The following CDIN1 variants were observed in gnomAD, a reference collection of about 807,000 sequenced individuals.
The protein encoded by CDIN1 is CDAN1 interacting nuclease 1.
CDIN1 carries 33 observed loss-of-function variants against 45.3 expected under a neutral mutation model. That is an observed-to-expected ratio of 0.73 (90% CI 0.55 to 0.97). The LOEUF (loss-of-function observed/expected upper bound fraction) is 0.97, where lower values mean the gene tolerates loss of function less well. Among genes scored for constraint, CDIN1 ranks in the 50% least tolerant of loss-of-function variants. CDIN1 has a pLI of 0.00. For synonymous variants in CDIN1, 118 were observed against 124.4 expected, an observed-to-expected ratio of 0.95 and a Z score of 0.34; for missense variants, 303 against 339.4, an observed-to-expected ratio of 0.89 and a Z score of 0.84.
intron 8 of CDIN1, among the ~76,000 whole-genome samples, chr15:36,701,305 T>G (rs1284281089): frequency 1.3e-5 from 2 of 152,152 alleles, no homozygotes; most frequent in Non-Finnish European, 2.9e-5. Context: ...TGCTAAGGGT[T>G]CACTCTTAGC....
intron 1 of CDIN1, chr15:36,591,914 GTGAA>G (rs2037593902): frequency 6.6e-6 from 1 of 152,182 alleles, no homozygotes; most frequent in African/African-American, 2.4e-5. Flanking sequence ...TCAACAACAA[GTGAA>G]TGAATGAAGC....
intron 5 of CDIN1, among the ~76,000 whole-genome samples, chr15:36,671,125 T>C (rs927969796): frequency 1.3e-5 from 2 of 152,182 alleles, no homozygotes; most frequent in Non-Finnish European, 2.9e-5. Flanking sequence ...GGAACATTAA[T>C]GTGTGGCCTT....
intron 5 of CDIN1, chr15:36,668,965 A>G (rs1264882899): frequency 6.6e-6 from 1 of 152,136 alleles, no homozygotes; most frequent in African/African-American, 2.4e-5. Context: ...TAATATTCCA[A>G]CAAATACTTA....
intron 5 of CDIN1, chr15:36,691,079 C>T: frequency 2.0e-6 from 1 of 496,378 alleles, no homozygotes; most frequent in East Asian, 5.6e-5. Flanking sequence ...TATATATTTT[C>T]CTTATTTAAG....
At chr15:36,658,431 G>C (rs1327533290) in intron 5 of CDIN1, 1 of 152,194 alleles carries the variant, frequency 6.6e-6, no homozygotes, top group Non-Finnish European at 1.5e-5. Flanking sequence ...TCAACTGCAT[G>C]ATTAAAACCG....
rs1566973709 is a variant in CDIN1 at position 36,788,095 on chromosome 15, TA to T, written c.717-20228del. On this transcript the variant is annotated intron_variant, in intron 10 of 10. Transcript: ENST00000566621. ...TTATACATATATATATATATATATA[TA>T]TATATATATATTTTTTTTTTTTTTT... 2.1e-3 allele frequency among the ~76,000 whole-genome samples: 72 copies of T among 34,274 alleles called. 1 individual carries two copies. The highest frequency in any genetic ancestry group is 6.7e-3 in the African/African-American group (63 of 9,390). 22.5% of individuals were successfully genotyped at this position (34,274 alleles called of 152,430 possible). A position where few individuals can be genotyped will look rare whatever the true frequency, so the allele number is the denominator to read the frequency against.
intron 1 of CDIN1, among the ~76,000 whole-genome samples, chr15:36,625,953 T>G (rs8039608): frequency 0.12 from 17,900 of 152,090 alleles, 1,051 homozygotes; most frequent in Middle Eastern, 0.17. Context: ...ATTTAAGCAT[T>G]TTTATCAGAT....
intron 10 of CDIN1, among the ~76,000 whole-genome samples, chr15:36,773,079 G>A (rs1456758136): frequency 1.3e-5 from 2 of 151,956 alleles, no homozygotes; most frequent in Non-Finnish European, 2.9e-5. Flanking sequence ...GGGGGTGGGG[G>A]GAGGTTCAGG....
At chr15:36,691,360 A>G in intron 5 of CDIN1, 1 of 292,802 alleles carries the variant, frequency 3.4e-6, no homozygotes, top group Non-Finnish European at 6.4e-6. Context: ...GCAAAAGGTA[A>G]ATATTTTCTG....
chr15:36,614,664 A>C (rs973940229), intron 1 of CDIN1, among the ~76,000 whole-genome samples: 1 of 152,174 alleles, frequency 6.6e-6, no homozygotes, highest in Non-Finnish European at 1.5e-5. Flanking sequence ...ACTGAGAGCC[A>C]AACAGAGCCC....
intron 10 of CDIN1, among the ~76,000 whole-genome samples, chr15:36,774,347 A>G (rs186563267): frequency 2.9e-4 from 44 of 152,084 alleles, no homozygotes; most frequent in African/African-American, 7.5e-4. Context: ...TTTTCCCCCA[A>G]TTGATAAGTT....
chr15:36,775,212 A>C (rs1486510212), intron 10 of CDIN1, among the ~76,000 whole-genome samples: 1 of 152,242 alleles, frequency 6.6e-6, no homozygotes, highest in African/African-American at 2.4e-5. Flanking sequence ...TAGTCCAAAG[A>C]AACGGGAAGA....
chr15:36,657,568 A>T (rs1009006399), intron 4 of CDIN1, among the ~76,000 whole-genome samples: 1 of 152,156 alleles, frequency 6.6e-6, no homozygotes, highest in Middle Eastern at 3.2e-3. Flanking sequence ...ACTGTTTTAG[A>T]CGAATGCTTT....
At chr15:36,665,061 T>G (rs765269818) in intron 5 of CDIN1, among the ~76,000 whole-genome samples, 1 of 152,216 alleles carries the variant, frequency 6.6e-6, no homozygotes, top group Non-Finnish European at 1.5e-5. Context: ...GATGAAATTC[T>G]AGGAGTAGGA....
intron 10 of CDIN1, among the ~76,000 whole-genome samples, chr15:36,804,378 C>T (rs74538942): frequency 1.1e-3 from 162 of 152,214 alleles, no homozygotes; most frequent in Admixed American, 2.8e-3. Flanking sequence ...TCTCTAGACT[C>T]GCACTGATTC....
At chr15:36,580,655 T>C (rs1022453851) in intron 1 of CDIN1, among the ~76,000 whole-genome samples, 1 of 152,222 alleles carries the variant, frequency 6.6e-6, no homozygotes, top group African/African-American at 2.4e-5. Flanking sequence ...CTTTGGGAAT[T>C]ATGTAGATTT....
chr15:36,648,229 C>T (rs2040422238), intron 3 of CDIN1, among the ~76,000 whole-genome samples: 1 of 151,918 alleles, frequency 6.6e-6, no homozygotes, highest in Non-Finnish European at 1.5e-5. Flanking sequence ...TTTTGTCAGC[C>T]CATTTTTATA....
intron 3 of CDIN1, among the ~76,000 whole-genome samples, chr15:36,650,376 T>G (rs988419186): frequency 1.3e-5 from 2 of 152,122 alleles, no homozygotes; most frequent in Admixed American, 1.3e-4. Flanking sequence ...GGAAATTTCT[T>G]CAATAATTCA....
At chr15:36,665,225 A>C (rs934759530) in intron 5 of CDIN1, among the ~76,000 whole-genome samples, 1 of 152,220 alleles carries the variant, frequency 6.6e-6, no homozygotes, top group Non-Finnish European at 1.5e-5. Context: ...ATAAGAGTAC[A>C]TGCATTGTGT....
Sources: allele counts gnomAD v4.1 joint callset (sites outside exome capture counted in the v4.1 genomes callset), GRCh38; gene constraint gnomAD v4.1.1; transcripts MANE v1.5; gene names NCBI Gene and HGNC (gene_info 2026-07-23, HGNC 2026-07-21).